The following PI4KA variants were observed in gnomAD, a reference collection of about 807,000 sequenced individuals.
PI4KA encodes the protein phosphatidylinositol 4-kinase alpha, also known as PI4-kinase alpha.
In PI4KA, 122 loss-of-function variants were observed where a neutral mutation model predicts 271.4. The observed-to-expected ratio is 0.45, with a 90% CI of 0.39 to 0.52. The LOEUF (loss-of-function observed/expected upper bound fraction) is 0.52. PI4KA is among the 20% of genes least tolerant of loss of function. The pLI, the probability that PI4KA is intolerant of heterozygous loss-of-function variation, is 0.00. For missense variants in PI4KA, 1,969 were observed against 2,769.1 expected (o/e 0.71, Z 6.48); for synonymous variants, 1,041 against 1,078.8 (o/e 0.96, Z 0.69).
chr22:20,775,603 C>G (rs993611899), intron 19 of PI4KA, among the ~76,000 whole-genome samples: 4 of 152,064 alleles, frequency 2.6e-5, no homozygotes, highest in African/African-American at 9.7e-5. Context: ...GTTCTTTAAC[C>G]TTATTTTTAT....
intron 19 of PI4KA, among the ~76,000 whole-genome samples, chr22:20,770,670 G>A (rs934787200): frequency 6.7e-6 from 1 of 148,974 alleles, no homozygotes; most frequent in Non-Finnish European, 1.5e-5. Context: ...CAGGGCAAAG[G>A]TTCCAAAATT....
At chr22:20,723,879 C>G (rs1447588670) in intron 42 of PI4KA, among the ~76,000 whole-genome samples, 44 of 151,742 alleles carry the variant, frequency 2.9e-4, no homozygotes, top group Non-Finnish European at 7.4e-5. Context: ...CACTGTATAG[C>G]CCAGGCTGGA....
rs7287862 is a variant in PI4KA, at chr22:20,770,404, T to C, written c.2329-4711A>G. On this transcript the variant is annotated intron_variant, in intron 19 of 54. Transcript: ENST00000255882. The stretch of plus-strand genomic sequence containing the variant: ...GGCAGGCGCCTGTAATCCCAGCTAC[T>C]TGGGAGGCTGAGGCAGGAGAATCGC... 2.1e-3 allele frequency among the ~76,000 whole-genome samples: 320 copies of C among 149,778 alleles called. 1 individual carries two copies. The highest frequency in any genetic ancestry group is 7.4e-3 in the African/African-American group (300 of 40,712).
Position 20,799,092 on chromosome 22 carries a change from C to A in PI4KA, c.2004+1G>T, listed in dbSNP as rs1189727017. The stretch of plus-strand genomic sequence containing the variant: ...GGTGTTCTGGCTCTGGCCTCCCTTA[C>A]ATTTCCGGTGATAACCAGGCAGCCC... On this transcript the variant is annotated splice_donor_variant, in intron 16 of 54. Coordinates refer to ENST00000255882, the MANE Select transcript of PI4KA (RefSeq NM_058004.4). LOFTEE classifies it high-confidence loss of function. 6.2e-7 allele frequency: 1 copy of A among 1,612,834 alleles called. No homozygotes were observed. Among genetic ancestry groups the A allele is most frequent in the Non-Finnish European group, 8.5e-7 (1 of 1,179,542 alleles).
At chr22:20,850,433 T>C (rs527449864) in intron 1 of PI4KA, among the ~76,000 whole-genome samples, 1 of 147,292 alleles carries the variant, frequency 6.8e-6, no homozygotes, top group Non-Finnish European at 1.5e-5. Flanking sequence ...GGACTATAAA[T>C]ACTCATTTAA....
intron 39 of PI4KA, among the ~76,000 whole-genome samples, 163 bp from the exon 40 acceptor site, chr22:20,728,027 G>A (rs943539045): frequency 6.6e-6 from 1 of 152,250 alleles, no homozygotes; most frequent in East Asian, 1.9e-4. Flanking sequence ...ATGAAGACCT[G>A]CTATTTGATA....
At chr22:20,774,890 AC>A (rs767458662) in intron 19 of PI4KA, among the ~76,000 whole-genome samples, 11 of 152,218 alleles carry the variant, frequency 7.2e-5, no homozygotes, top group Middle Eastern at 3.2e-3. Context: ...ACGTACACAC[AC>A]ACACAGATAA....
chr22:20,793,842 T>C (rs1934802593), intron 18 of PI4KA, among the ~76,000 whole-genome samples: 1 of 152,256 alleles, frequency 6.6e-6, no homozygotes, highest in South Asian at 2.1e-4. Flanking sequence ...ATGTAGCTAA[T>C]CTTCAGTACA....
At position 20,791,074 on chromosome 22, in the gene PI4KA, G is replaced by A. The variant is rs534428853; in HGVS notation, c.2328+2119C>T. ...CCAGGAGTCCAACCTGGAACCCTGT[G>A]ACCCTCAAATTTGTGTAATTTCAAC... On this transcript the variant is annotated intron_variant, in intron 19 of 54. Coordinates refer to ENST00000255882, the MANE Select transcript of PI4KA (RefSeq NM_058004.4). Among the ~76,000 whole-genome samples the A allele has an allele frequency of 4.6e-5, 7 of 152,236 alleles. No individual in the cohort carries two copies. In the South Asian group the frequency reaches 1.5e-3, roughly 32 times the overall value.
rs147986037 is a variant in PI4KA at position 20,833,722 on chromosome 22, A to G, written c.367+840T>C. ...GTCGCCCAGGCTGGAGTGCAGTAGC[A>G]TATCTCGGCTCACTGCAACCTCTGC... On this transcript the variant is annotated intron_variant, in intron 3 of 54. Transcript: ENST00000255882. Among the ~76,000 whole-genome samples the G allele has an allele frequency of 4.0e-3, 569 of 142,814 alleles. 5 individuals are homozygous for G. Among genetic ancestry groups the G allele is most frequent in the Non-Finnish European group, 4.2e-3 (280 of 66,774 alleles). 93.7% of individuals were successfully genotyped at this position (142,814 alleles called of 152,430 possible). A position where few individuals can be genotyped will look rare whatever the true frequency, so the allele number is the denominator to read the frequency against.
chr22:20,742,790 T>G, intron 30 of PI4KA, 26 bp from the exon 31 acceptor site: 1 of 1,611,982 alleles, frequency 6.2e-7, no homozygotes, highest in South Asian at 1.1e-5. Flanking sequence ...CATCAGCAAC[T>G]AAGCATATAA....
At chr22:20,774,778 AG>A (rs946762811) in intron 19 of PI4KA, among the ~76,000 whole-genome samples, 1 of 151,344 alleles carries the variant, frequency 6.6e-6, no homozygotes, top group Non-Finnish European at 1.5e-5. Context: ...AAAAAAAAGA[AG>A]AAAAAAGAAA....
At chr22:20,742,942 T>C (rs1929638788) in intron 30 of PI4KA, 178 bp from the exon 31 acceptor site, 1 of 580,762 alleles carries the variant, frequency 1.7e-6, no homozygotes, top group African/African-American at 1.9e-5. Context: ...ATCACAGCTT[T>C]TTTTTTTTTT....
chr22:20,754,238 A>C (rs920703189), intron 23 of PI4KA, among the ~76,000 whole-genome samples: 1 of 152,024 alleles, frequency 6.6e-6, no homozygotes, highest in African/African-American at 2.4e-5. Flanking sequence ...CAGATGTACA[A>C]CACCATGCTC....
At chr22:20,745,340 C>T (rs1383078997) in intron 29 of PI4KA, among the ~76,000 whole-genome samples, 2 of 152,312 alleles carry the variant, frequency 1.3e-5, no homozygotes. Flanking sequence ...GGCTGCTGTG[C>T]CACACCTTTC....
chr22:20,720,219 A>G (rs1926571636), intron 43 of PI4KA, among the ~76,000 whole-genome samples: 1 of 152,150 alleles, frequency 6.6e-6, no homozygotes, highest in Non-Finnish European at 1.5e-5. Context: ...ACGTAGACAG[A>G]CTTGAACAAA....
intron 23 of PI4KA, among the ~76,000 whole-genome samples, chr22:20,759,703 C>A (rs565523622): frequency 6.6e-6 from 1 of 152,136 alleles, no homozygotes; most frequent in African/African-American, 2.4e-5. Context: ...GTAGCTGGGA[C>A]TACAGGCGCA....
intron 28 of PI4KA, 36 bp downstream of exon 28, chr22:20,749,869 A>T (rs1257489720): frequency 7.7e-7 from 1 of 1,303,724 alleles, no homozygotes; most frequent in South Asian, 1.2e-5. Flanking sequence ...AGTTTGAAGG[A>T]GCTTATGGCA....
Position 20,799,992 on chromosome 22 carries a change from A to C in PI4KA, c.1725-226T>G, listed in dbSNP as rs184460653. Among the ~76,000 whole-genome samples the C allele has an allele frequency of 7.4e-3, 1,122 of 152,330 alleles. 13 individuals carry two copies. Among genetic ancestry groups the C allele is most frequent in the African/African-American group, 0.025 (1,045 of 41,568 alleles). On this transcript the variant is annotated intron_variant, in intron 14 of 54. Transcript: ENST00000255882. ...ACAATAATTTCATTATTTTGCCCAG[A>C]ACAGTTTCCTTTGGAATATCATGCT... is the stretch of plus-strand genomic sequence containing the variant.
Sources: gnomAD v4.1 joint callset for allele counts (sites outside exome capture counted in the v4.1 genomes callset) on GRCh38, gnomAD v4.1.1 for gene constraint, MANE v1.5 for transcripts, NCBI Gene and HGNC (gene_info 2026-07-23, HGNC 2026-07-21) for gene names.